Variants in PRDM5 observed in about 807,000 individuals in gnomAD.
PRDM5 encodes PR/SET domain 5, also known as PR domain zinc finger protein 5.
PRDM5 carries 56 observed loss-of-function variants against 81.2 expected under a neutral mutation model. The observed-to-expected ratio is 0.69, with a 90% CI of 0.56 to 0.86. The LOEUF (loss-of-function observed/expected upper bound fraction) is 0.86, where lower values mean the gene tolerates loss of function less well. Ranked by LOEUF, PRDM5 falls within the 40% of genes least tolerant of loss-of-function variation. The probability of loss-of-function intolerance (pLI) is 0.00; values close to 1 mark genes in which losing one functional copy is unlikely to be tolerated. For synonymous variants in PRDM5, 267 were observed against 256.4 expected (o/e 1.04, Z -0.39); for missense variants, 697 against 770.1 (o/e 0.91, Z 1.12).
chr4:120,754,699 T>C, intron 13 of PRDM5, 61 bp from the exon 14 acceptor site: 1 of 1,178,604 alleles, frequency 8.5e-7, no homozygotes, highest in Non-Finnish European at 1.3e-6. Flanking sequence ...AGTCCTGTGC[T>C]ATCACTTCTC....
In PRDM5 at chr4:120,898,506, C is replaced by CAGA. The variant is rs1265305709; in HGVS notation, c.177+8965_177+8967dup. The stretch of plus-strand genomic sequence containing the variant: ...AGATTTTTAGCCTCTTGCCTATACA[C>CAGA]AGAATCAGCAGTCTGACCACTTCCC... On this transcript the variant is annotated intron_variant, in intron 2 of 15. Transcript: ENST00000264808. Among the ~76,000 whole-genome samples, 12 of 152,294 alleles carry CAGA rather than the reference C, an allele frequency of 7.9e-5. No individual in the cohort carries two copies. In the South Asian group the frequency reaches 2.5e-3, roughly 32 times the overall value.
chr4:120,760,482 T>C (rs1262117331), intron 13 of PRDM5, among the ~76,000 whole-genome samples: 1 of 152,186 alleles, frequency 6.6e-6, no homozygotes, highest in African/African-American at 2.4e-5. Flanking sequence ...AAAATAGATT[T>C]AGTGAACACA....
At chr4:120,916,752 C>A (rs1472710425) in intron 1 of PRDM5, among the ~76,000 whole-genome samples, 3 of 152,190 alleles carry the variant, frequency 2.0e-5, no homozygotes, top group Non-Finnish European at 4.4e-5. Flanking sequence ...GGCTGACAAT[C>A]CAATCCTTCC....
chr4:120,916,281 G>A (rs1724152460), intron 1 of PRDM5, among the ~76,000 whole-genome samples: 4 of 152,186 alleles, frequency 2.6e-5, no homozygotes, highest in Admixed American at 2.0e-4. Context: ...CAGCTACTCA[G>A]GAGGCTGAGG....
At chr4:120,727,877 A>C (rs1418150322) in intron 14 of PRDM5, among the ~76,000 whole-genome samples, 1 of 151,620 alleles carries the variant, frequency 6.6e-6, no homozygotes. Flanking sequence ...TGGAGGTTGC[A>C]GTGAGCCAAG....
chr4:120,732,018 T>C (rs1327362244), intron 14 of PRDM5, among the ~76,000 whole-genome samples: 1 of 152,144 alleles, frequency 6.6e-6, no homozygotes, highest in East Asian at 1.9e-4. Context: ...ATAGCTAAGA[T>C]AGTTAAGGAA....
At chr4:120,897,167 T>C (rs571025765) in intron 2 of PRDM5, 2 of 152,286 alleles carry the variant, frequency 1.3e-5, no homozygotes, top group African/African-American at 2.4e-5. Context: ...ACCAGTCACA[T>C]AGAAGTGACT....
intron 14 of PRDM5, among the ~76,000 whole-genome samples, chr4:120,742,635 A>G (rs1035848143): frequency 2.0e-5 from 3 of 152,248 alleles, no homozygotes; most frequent in Admixed American, 6.5e-5. Context: ...GAAGAATGCA[A>G]AAGCCTCAGG....
At chr4:120,728,115 C>T (rs1739712459) in intron 14 of PRDM5, among the ~76,000 whole-genome samples, 1 of 151,950 alleles carries the variant, frequency 6.6e-6, no homozygotes, top group African/African-American at 2.4e-5. Context: ...TGCCAGTCCC[C>T]AGACCCTCTT....
intron 13 of PRDM5, among the ~76,000 whole-genome samples, chr4:120,756,142 T>G (rs17051242): frequency 3.0e-4 from 46 of 152,198 alleles, no homozygotes; most frequent in African/African-American, 1.1e-3. Flanking sequence ...CTTGGCAACA[T>G]CTAGGAAAAG....
At chr4:120,816,746 A>G (rs1578856529) in intron 6 of PRDM5, 86 bp downstream of exon 6, 2 of 1,518,244 alleles carry the variant, frequency 1.3e-6, no homozygotes, top group East Asian at 4.5e-5. Flanking sequence ...GGTATGTGAA[A>G]CTGAATTACT....
intron 12 of PRDM5, among the ~76,000 whole-genome samples, chr4:120,780,300 T>G (rs80162408): frequency 0.21 from 31,543 of 151,806 alleles, 3,760 homozygotes; most frequent in Non-Finnish European, 0.28. Context: ...TAAAAAATTA[T>G]CTGGGCATGG....
Position 120,817,823 on chromosome 4 carries a change from A to G in PRDM5, c.650+530T>C, listed in dbSNP as rs188533147. 2.4e-3 allele frequency among the ~76,000 whole-genome samples: 361 copies of G among 152,338 alleles called. 1 individual carries two copies. Among genetic ancestry groups the G allele is most frequent in the African/African-American group, 8.4e-3 (349 of 41,596 alleles). On this transcript the variant is annotated intron_variant, in intron 5 of 15. Transcript: ENST00000264808. Reference sequence around the variant, plus strand: ...AGGGTACAGAGCTATGTGTGGGATCATCTAATTAATCATATTGTTATAACT... The same window carrying G: ...AGGGTACAGAGCTATGTGTGGGATCGTCTAATTAATCATATTGTTATAACT...
intron 13 of PRDM5, among the ~76,000 whole-genome samples, chr4:120,768,095 T>A (rs1440781391): frequency 6.6e-6 from 1 of 152,120 alleles, no homozygotes; most frequent in African/African-American, 2.4e-5. Context: ...AAAAGATCAA[T>A]CAATAAATAA....
intron 2 of PRDM5, among the ~76,000 whole-genome samples, chr4:120,898,667 C>G (rs534018097): frequency 1.3e-5 from 2 of 152,260 alleles, no homozygotes; most frequent in South Asian, 4.1e-4. Context: ...TTTAACCTGT[C>G]TTTTGGAGTT....
intron 2 of PRDM5, among the ~76,000 whole-genome samples, chr4:120,906,032 C>T (rs1481389432): frequency 6.6e-6 from 1 of 152,106 alleles, no homozygotes; most frequent in Non-Finnish European, 1.5e-5. Flanking sequence ...AGTGCAGTGG[C>T]AAGATCATAG....
chr4:120,829,932 A>C (rs1010385913), intron 3 of PRDM5, among the ~76,000 whole-genome samples: 4 of 152,112 alleles, frequency 2.6e-5, no homozygotes, highest in Non-Finnish European at 5.9e-5. Context: ...AGGTGCAAAA[A>C]AGAAAACAGA....
At chr4:120,737,919 C>A (rs1042821219) in intron 14 of PRDM5, among the ~76,000 whole-genome samples, 7 of 152,202 alleles carry the variant, frequency 4.6e-5, no homozygotes, top group African/African-American at 9.7e-5. Flanking sequence ...AATTTCACTT[C>A]ATTCCTTCAA....
Position 120,853,417 on chromosome 4 carries a change from C to T in PRDM5, c.300+1G>A, listed in dbSNP as rs1189088279. 2 of 1,613,712 alleles carry T rather than the reference C, an allele frequency of 1.2e-6. No homozygotes were observed. Among genetic ancestry groups the T allele is most frequent in the Non-Finnish European group, 1.7e-6 (2 of 1,179,686 alleles). On this transcript the variant is annotated splice_donor_variant, in intron 3 of 15. Coordinates refer to ENST00000264808, the MANE Select transcript of PRDM5 (RefSeq NM_018699.4). LOFTEE classifies it high-confidence loss of function. ...TACAAATGAGAAGCAAATAAGCTCA[C>T]TTGAATGGCAGCCAAGTTCTTCTGC...
Sources: gnomAD v4.1 joint callset for allele counts (sites outside exome capture counted in the v4.1 genomes callset) on GRCh38, gnomAD v4.1.1 for gene constraint, MANE v1.5 for transcripts, NCBI Gene and HGNC (gene_info 2026-07-23, HGNC 2026-07-21) for gene names.